Variants in PARM1 observed in about 807,000 individuals in gnomAD.
PARM1 encodes WSC4, cell wall integrity and stress response component 4 homolog.
PARM1 carries 14 observed loss-of-function variants against 24.6 expected under a neutral mutation model. The observed-to-expected ratio is 0.57, with a 90% CI of 0.38 to 0.89. The LOEUF (loss-of-function observed/expected upper bound fraction) is 0.89, where lower values mean the gene tolerates loss of function less well. Among genes scored for constraint, PARM1 ranks in the 40% least tolerant of loss-of-function variants. PARM1 has a pLI of 0.00. For synonymous variants in PARM1, 179 were observed against 156.6 expected (o/e 1.14, Z -1.07); for missense variants, 362 against 380.4 (o/e 0.95, Z 0.40).
intron 1 of PARM1, among the ~76,000 whole-genome samples, chr4:74,954,461 T>G (rs1721593371): frequency 6.6e-6 from 1 of 152,236 alleles, no homozygotes; most frequent in Non-Finnish European, 1.5e-5. Flanking sequence ...ACTGCAAAGT[T>G]TCTAACAACG....
At chr4:74,980,386 A>G (rs1722225663) in intron 1 of PARM1, among the ~76,000 whole-genome samples, 1 of 152,178 alleles carries the variant, frequency 6.6e-6, no homozygotes, top group African/African-American at 2.4e-5. Flanking sequence ...AGAGAATAAA[A>G]TACCTCGGAA....
At chr4:74,952,300 G>A (rs1374717141) in intron 1 of PARM1, among the ~76,000 whole-genome samples, 1 of 151,944 alleles carries the variant, frequency 6.6e-6, no homozygotes, top group Admixed American at 6.6e-5. Flanking sequence ...TTTTTTTCTT[G>A]TAAATTTGAT....
At chr4:75,010,711 G>C (rs887665358) in intron 1 of PARM1, among the ~76,000 whole-genome samples, 31 of 152,102 alleles carry the variant, frequency 2.0e-4, no homozygotes, top group Non-Finnish European at 4.3e-4. Context: ...ACCTTTGGAG[G>C]GTTTTGATCA....
chr4:74,983,104 G>A (rs1446878446), intron 1 of PARM1, among the ~76,000 whole-genome samples: 1 of 152,084 alleles, frequency 6.6e-6, no homozygotes, highest in Non-Finnish European at 1.5e-5. Context: ...AAAATTAGAG[G>A]AACTGATTAC....
At chr4:75,035,349 C>G (rs889843296) in intron 3 of PARM1, among the ~76,000 whole-genome samples, 1 of 152,182 alleles carries the variant, frequency 6.6e-6, no homozygotes, top group African/African-American at 2.4e-5. Flanking sequence ...TGCTAGGGAC[C>G]AAGACGGTGC....
chr4:75,031,897 A>G (rs1021773593), intron 2 of PARM1, among the ~76,000 whole-genome samples: 2 of 152,214 alleles, frequency 1.3e-5, no homozygotes, highest in Non-Finnish European at 2.9e-5. Context: ...TAAGCTTTTA[A>G]AAGAGCTATT....
intron 1 of PARM1, among the ~76,000 whole-genome samples, chr4:74,953,637 G>T (rs141109211): frequency 6.6e-6 from 1 of 152,350 alleles, no homozygotes; most frequent in East Asian, 1.9e-4. Flanking sequence ...TATAAGGGGT[G>T]AGCAGGTCAA....
At chr4:74,973,405 T>C (rs552449355) in intron 1 of PARM1, among the ~76,000 whole-genome samples, 1 of 152,296 alleles carries the variant, frequency 6.6e-6, no homozygotes, top group African/African-American at 2.4e-5. Context: ...AATGCTTTTA[T>C]TTCCCCCATA....
intron 1 of PARM1, among the ~76,000 whole-genome samples, chr4:75,003,719 A>G (rs1274094393): frequency 1.3e-5 from 2 of 152,212 alleles, no homozygotes; most frequent in Non-Finnish European, 2.9e-5. Context: ...TAGATGTTAG[A>G]TGAGCCTTCT....
intron 1 of PARM1, among the ~76,000 whole-genome samples, chr4:74,972,325 G>A (rs985069731): frequency 6.6e-6 from 1 of 152,216 alleles, no homozygotes; most frequent in Non-Finnish European, 1.5e-5. Context: ...GAAAATACCT[G>A]TGATAATACT....
chr4:75,019,547 A>G (rs1424659777), intron 2 of PARM1, among the ~76,000 whole-genome samples: 1 of 152,226 alleles, frequency 6.6e-6, no homozygotes, highest in Non-Finnish European at 1.5e-5. Flanking sequence ...AGCGATGCCA[A>G]TAAATACATT....
intron 2 of PARM1, 133 bp from the exon 3 acceptor site, chr4:75,033,750 T>C: frequency 1.8e-6 from 1 of 565,568 alleles, no homozygotes; most frequent in Non-Finnish European, 3.0e-6. Context: ...TCATGCAGAA[T>C]GATCTGAAGT....
chr4:74,997,968 C>T (rs575457592), intron 1 of PARM1, among the ~76,000 whole-genome samples: 20 of 152,284 alleles, frequency 1.3e-4, no homozygotes, highest in African/African-American at 3.4e-4. Context: ...ATACAGCTTC[C>T]GCAATTCACC....
At chr4:74,974,919 C>T (rs975565088) in intron 1 of PARM1, among the ~76,000 whole-genome samples, 3 of 152,176 alleles carry the variant, frequency 2.0e-5, no homozygotes, top group African/African-American at 7.2e-5. Flanking sequence ...CAGGAAAGGG[C>T]ATCTCCCCAG....
intron 1 of PARM1, among the ~76,000 whole-genome samples, chr4:74,953,472 C>T (rs557919374): frequency 5.3e-5 from 8 of 152,254 alleles, no homozygotes; most frequent in Middle Eastern, 3.4e-3. Context: ...TTTTAAAATT[C>T]CAGAGAAAGT....
chr4:74,944,154 C>T (rs1400459432), intron 1 of PARM1, among the ~76,000 whole-genome samples: 2 of 152,136 alleles, frequency 1.3e-5, no homozygotes, highest in African/African-American at 4.8e-5. Context: ...AACAAATACT[C>T]ATGGTGCACA....
intron 1 of PARM1, among the ~76,000 whole-genome samples, chr4:74,984,227 G>A (rs1490643279): frequency 2.0e-5 from 3 of 152,232 alleles, no homozygotes; most frequent in South Asian, 2.1e-4. Flanking sequence ...CCACACTCTA[G>A]TTGAAAACAG....
At chr4:74,949,115 T>C (rs1422644824) in intron 1 of PARM1, among the ~76,000 whole-genome samples, 4 of 152,136 alleles carry the variant, frequency 2.6e-5, no homozygotes, top group Non-Finnish European at 1.5e-5. Context: ...TACCTGAACA[T>C]CCTTATGAAA....
At chr4:74,978,266 G>C (rs1349279864) in intron 1 of PARM1, among the ~76,000 whole-genome samples, 1 of 152,178 alleles carries the variant, frequency 6.6e-6, no homozygotes, top group Non-Finnish European at 1.5e-5. Flanking sequence ...TAAAGCGATG[G>C]AGGAAAATTT....
Sources: gnomAD v4.1 joint callset for allele counts (sites outside exome capture counted in the v4.1 genomes callset) on GRCh38, gnomAD v4.1.1 for gene constraint, MANE v1.5 for transcripts, NCBI Gene and HGNC (gene_info 2026-07-23, HGNC 2026-07-21) for gene names.